Variants in DYNC2LI1 observed in about 807,000 individuals in gnomAD.
DYNC2LI1 encodes the protein dynein cytoplasmic 2 light intermediate chain 1.
Under a neutral mutation model 51.9 loss-of-function variants are expected in DYNC2LI1, and 45 were observed. The ratio of observed to expected loss-of-function variants is 0.87; its 90% CI spans 0.68 to 1.11. DYNC2LI1 has a LOEUF of 1.11. Among genes scored for constraint, DYNC2LI1 ranks in the 50% most tolerant of loss-of-function variants. The probability of loss-of-function intolerance (pLI) is 0.00; values close to 1 mark genes in which losing one functional copy is unlikely to be tolerated. For missense variants in DYNC2LI1, 490 were observed against 417.4 expected, an observed-to-expected ratio of 1.17 and a Z score of -1.51; for synonymous variants, 130 against 137.8, an observed-to-expected ratio of 0.94 and a Z score of 0.40.
chr2:43,818,206 C>G, the DYNC2LI1 span, among the ~76,000 whole-genome samples: 1 of 152,152 alleles, frequency 6.6e-6, no homozygotes, highest in Non-Finnish European at 1.5e-5. Context: ...AATCCTAGCA[C>G]TTTGGGAGGC....
chr2:43,811,942 T>C (rs115650286), downstream of DYNC2LI1, among the ~76,000 whole-genome samples: 3,276 of 152,298 alleles, frequency 0.022, 81 homozygotes, highest in African/African-American at 0.062. Flanking sequence ...CTTGAAAATA[T>C]GTAATACAGG....
intron 1 of DYNC2LI1, among the ~76,000 whole-genome samples, chr2:43,776,521 A>G (rs1250948453): frequency 6.6e-6 from 1 of 152,202 alleles, no homozygotes; most frequent in African/African-American, 2.4e-5. Context: ...GGGAAGACCC[A>G]AATGTGACAG....
At chr2:43,775,810 C>CCTGAGTAG (rs773234767) in intron 1 of DYNC2LI1, 4 of 264,598 alleles carry the variant, frequency 1.5e-5, no homozygotes, top group Non-Finnish European at 2.9e-5. Flanking sequence ...GCCTCAGCCT[C>CCTGAGTAG]CTGAGTAGCT....
At chr2:43,823,029 G>A in the DYNC2LI1 span, 2 of 1,538,750 alleles carry the variant, frequency 1.3e-6, no homozygotes, top group Non-Finnish European at 1.8e-6. Context: ...TGTCAGGGCT[G>A]GATGGTGAGG....
the DYNC2LI1 span, among the ~76,000 whole-genome samples, chr2:43,817,619 T>C: frequency 2.6e-5 from 4 of 151,386 alleles, no homozygotes; most frequent in Non-Finnish European, 5.9e-5. Context: ...AAGTTAAAAA[T>C]GCATTTAAGG....
At chr2:43,825,551 CT>C in the DYNC2LI1 span, among the ~76,000 whole-genome samples, 6 of 152,132 alleles carry the variant, frequency 3.9e-5, no homozygotes, top group Admixed American at 2.0e-4. Context: ...CTAATGCTAG[CT>C]TTTTACTATT....
chr2:43,788,510 C>A (rs1673627245), intron 4 of DYNC2LI1, among the ~76,000 whole-genome samples: 1 of 152,176 alleles, frequency 6.6e-6, no homozygotes, highest in Admixed American at 6.5e-5. Context: ...ACTTTGTCAG[C>A]TCCTCACAAT....
the DYNC2LI1 span, among the ~76,000 whole-genome samples, chr2:43,817,610 A>G: frequency 6.6e-6 from 1 of 151,790 alleles, no homozygotes; most frequent in African/African-American, 2.4e-5. Context: ...AAATATTCTA[A>G]GTTAAAAATG....
chr2:43,805,023 G>T, intron 11 of DYNC2LI1, 131 bp from the exon 12 acceptor site: 1 of 608,862 alleles, frequency 1.6e-6, no homozygotes, highest in Non-Finnish European at 2.9e-6. Context: ...CAGTGGTGAT[G>T]AGAAAAGCTA....
At chr2:43,789,813 C>T (rs2104685924) in intron 5 of DYNC2LI1, 92 bp downstream of exon 5, 1 of 1,111,970 alleles carries the variant, frequency 9.0e-7, no homozygotes, top group Non-Finnish European at 1.3e-6. Context: ...AATTTTGGGG[C>T]ACAGTTTTAT....
chr2:43,817,026 G>A, the DYNC2LI1 span, among the ~76,000 whole-genome samples: 1 of 152,190 alleles, frequency 6.6e-6, no homozygotes, highest in Non-Finnish European at 1.5e-5. Flanking sequence ...ATGATGACTG[G>A]GGAGAAAAAT....
chr2:43,785,777 C>T (rs1303898290), intron 3 of DYNC2LI1, among the ~76,000 whole-genome samples: 1 of 151,488 alleles, frequency 6.6e-6, no homozygotes, highest in Non-Finnish European at 1.5e-5. Context: ...AATAATCAAA[C>T]TCAGAAACAA....
chr2:43,823,018 C>T, the DYNC2LI1 span: 17 of 1,565,008 alleles, frequency 1.1e-5, no homozygotes, highest in Non-Finnish European at 1.2e-5. Flanking sequence ...AATGTGAGGT[C>T]TGTCAGGGCT....
chr2:43,795,322 G>T, intron 6 of DYNC2LI1: 1 of 352,856 alleles, frequency 2.8e-6, no homozygotes, highest in South Asian at 1.2e-4. Flanking sequence ...TGGCCGACAT[G>T]GTGAAACCCC....
the DYNC2LI1 span, chr2:43,826,653 G>A: frequency 2.6e-5 from 36 of 1,389,782 alleles, no homozygotes; most frequent in Middle Eastern, 1.1e-3. Flanking sequence ...AAGTAAACAT[G>A]TAAACTGGCT....
chr2:43,827,182 G>A, the DYNC2LI1 span, among the ~76,000 whole-genome samples: 2 of 152,054 alleles, frequency 1.3e-5, no homozygotes, highest in Non-Finnish European at 2.9e-5. Context: ...AAAATTAGCC[G>A]GGTGTGGTGG....
At chr2:43,789,478 C>T (rs1197660596) in intron 4 of DYNC2LI1, among the ~76,000 whole-genome samples, 155 bp from the exon 5 acceptor site, 1 of 151,936 alleles carries the variant, frequency 6.6e-6, no homozygotes, top group South Asian at 2.1e-4. Flanking sequence ...TGCTTTGATG[C>T]ATTTTGAGGG....
At chr2:43,795,621 G>A (rs1012855049) in intron 6 of DYNC2LI1, among the ~76,000 whole-genome samples, 3 of 151,860 alleles carry the variant, frequency 2.0e-5, no homozygotes, top group Non-Finnish European at 4.4e-5. Flanking sequence ...AAACCAGGAA[G>A]GTAATATGTT....
chr2:43,819,381 CTA>C, the DYNC2LI1 span, among the ~76,000 whole-genome samples: 3 of 151,634 alleles, frequency 2.0e-5, no homozygotes, highest in Non-Finnish European at 2.9e-5. Context: ...ATCAATATCA[CTA>C]TTGATATTGA....
Sources: gnomAD v4.1 joint callset for allele counts (sites outside exome capture counted in the v4.1 genomes callset) on GRCh38, gnomAD v4.1.1 for gene constraint, MANE v1.5 for transcripts, NCBI Gene and HGNC (gene_info 2026-07-23, HGNC 2026-07-21) for gene names.